Variants in PHLDB2 observed in about 807,000 individuals in gnomAD.
PHLDB2 encodes the protein pleckstrin homology-like domain family B member 2.
Under a neutral mutation model 123.6 loss-of-function variants are expected in PHLDB2, and 71 were observed. The observed-to-expected ratio is 0.57, with a 90% CI of 0.47 to 0.70. The LOEUF (loss-of-function observed/expected upper bound fraction) is 0.70, where lower values mean the gene tolerates loss of function less well. Ranked by LOEUF, PHLDB2 falls within the 30% of genes least tolerant of loss-of-function variation. The pLI is 0.00. For synonymous variants in PHLDB2, 547 were observed against 541.6 expected (o/e 1.01, Z -0.14); for missense variants, 1,446 against 1,519.5 (o/e 0.95, Z 0.80).
intron 9 of PHLDB2, among the ~76,000 whole-genome samples, chr3:111,948,384 C>T (rs2070460827): frequency 6.6e-6 from 1 of 152,152 alleles, no homozygotes; most frequent in Non-Finnish European, 1.5e-5. Context: ...AGCTAGAACC[C>T]ACTGTAAATA....
chr3:111,892,392 A>G (rs1240267150), intron 2 of PHLDB2, among the ~76,000 whole-genome samples: 1 of 152,180 alleles, frequency 6.6e-6, no homozygotes, highest in Non-Finnish European at 1.5e-5. Context: ...ACCACTATAG[A>G]TGCACCTCCT....
intron 1 of PHLDB2, among the ~76,000 whole-genome samples, chr3:111,789,142 G>A (rs1400807746): frequency 6.6e-6 from 1 of 152,170 alleles, no homozygotes; most frequent in Non-Finnish European, 1.5e-5. Flanking sequence ...GGAAAAAACA[G>A]TGCTCCCCAC....
At chr3:111,743,127 G>A (rs1198406591) in intron 1 of PHLDB2, among the ~76,000 whole-genome samples, 2 of 152,118 alleles carry the variant, frequency 1.3e-5, no homozygotes. Context: ...AAAAATCCAG[G>A]CTATGAAGAA....
chr3:111,845,145 G>A (rs1186394836), intron 1 of PHLDB2, among the ~76,000 whole-genome samples: 1 of 152,008 alleles, frequency 6.6e-6, no homozygotes, highest in Non-Finnish European at 1.5e-5. Context: ...ACAAGGTCAG[G>A]AGTTCGAGAC....
At chr3:111,876,246 C>T (rs907163568) in intron 1 of PHLDB2, among the ~76,000 whole-genome samples, 8 of 152,062 alleles carry the variant, frequency 5.3e-5, no homozygotes, top group Non-Finnish European at 7.3e-5. Flanking sequence ...ACAGAGGAGA[C>T]CAATGTTGAT....
At position 111,756,148 on chromosome 3, in the gene PHLDB2, G is replaced by A. The variant is rs933453731; in HGVS notation, c.-49+23445G>A. On this transcript the variant is annotated intron_variant, in intron 1 of 17. Coordinates refer to the PHLDB2 transcript ENST00000393923. Reference sequence around the variant, plus strand: ...ATATTCTGTTGATTTGGGGTGGAGAGTTCAGTAGATGTCTATTAGGTCCGC... The same window carrying A: ...ATATTCTGTTGATTTGGGGTGGAGAATTCAGTAGATGTCTATTAGGTCCGC... Among the ~76,000 whole-genome samples the A allele has an allele frequency of 2.8e-4, 42 of 152,180 alleles. 1 individual carries two copies. Among genetic ancestry groups the A allele is most frequent in the African/African-American group, 9.6e-4 (40 of 41,478 alleles).
intron 1 of PHLDB2, among the ~76,000 whole-genome samples, chr3:111,752,218 A>C (rs2059789313): frequency 1.3e-5 from 1 of 79,260 alleles, no homozygotes; most frequent in South Asian, 3.6e-4. Flanking sequence ...GGAAGTTTCT[A>C]AGTGTGTGTG....
chr3:111,780,412 A>AGAAG (rs2060419890), intron 1 of PHLDB2, among the ~76,000 whole-genome samples: 3 of 116,778 alleles, frequency 2.6e-5, no homozygotes, highest in South Asian at 2.7e-4. Flanking sequence ...AGAAGAAGAA[A>AGAAG]AAGATTAGTT....
rs918601588 is a variant in PHLDB2 at position 111,969,822 on chromosome 3, C to T, written c.3448C>T (p.Leu1150Phe). Residue 1150 changes from leucine (L) to phenylalanine (F), a missense_variant, in exon 16 of 18, where the codon CTC (leucine) becomes TTC (phenylalanine). Coordinates refer to ENST00000431670, the MANE Select transcript of PHLDB2 (RefSeq NM_001134438.2). ...SITEKTCRGF[L>F]IKMGGKIKTW... ...CACAGAGAAGACCTGCCGAGGATTC[C>T]TCATCAAAATGGGTGGGAAAATTAA... The T allele has an allele frequency of 3.1e-6, 5 of 1,614,030 alleles. No individual in the cohort carries two copies. Among genetic ancestry groups the T allele is most frequent in the Non-Finnish European group, 4.2e-6 (5 of 1,179,944 alleles).
Position 111,866,014 on chromosome 3 carries a change from A to ATTTTTTTTTTTTTTTTTTTTTT in PHLDB2, c.-15+6441_-15+6462dup, listed in dbSNP as rs61038523. Among the ~76,000 whole-genome samples, 94 of 57,406 alleles carry ATTTTTTTTTTTTTTTTTTTTTT rather than the reference A, an allele frequency of 1.6e-3. 11 individuals carry two copies. Among genetic ancestry groups the ATTTTTTTTTTTTTTTTTTTTTT allele is most frequent in the East Asian group, 3.4e-3 (4 of 1,166 alleles). The allele number at this position is 57,406 out of a possible 152,430, so 37.7% of individuals were successfully genotyped here. On this transcript the variant is annotated intron_variant, in intron 1 of 17. Transcript: ENST00000431670. ...TTTTAGAAACCTACCCCACCCACTC[A>ATTTTTTTTTTTTTTTTTTTTTT]TTTTTTTTTTTTTTTTTTTTTTTTG...
At chr3:111,956,147 T>C (rs934261676) in intron 12 of PHLDB2, among the ~76,000 whole-genome samples, 3 of 152,172 alleles carry the variant, frequency 2.0e-5, no homozygotes, top group Admixed American at 6.5e-5. Flanking sequence ...TGAGCTGCCA[T>C]CATGCCACTA....
intron 12 of PHLDB2, chr3:111,958,808 GT>G (rs1468762198): frequency 2.3e-6 from 1 of 438,098 alleles, no homozygotes; most frequent in East Asian, 7.0e-5. Context: ...AGTCTCAGGG[GT>G]TGGGAAAGTC....
rs190373537 is a variant in PHLDB2, at chr3:111,898,174, G to A, written c.1335+12762G>A. On this transcript the variant is annotated intron_variant, in intron 2 of 17. Coordinates refer to ENST00000431670, the MANE Select transcript of PHLDB2 (RefSeq NM_001134438.2). ...TGTGGCAATTTCTTTGTGTGTGTGT[G>A]TGTGTGTTTGTGTGTGTGTGTGTGT... is the stretch of plus-strand genomic sequence containing the variant. 8.7e-4 allele frequency among the ~76,000 whole-genome samples: 97 copies of A among 112,122 alleles called. 1 individual carries two copies. The East Asian group carries it at 0.028, about 32-fold the overall frequency. 73.6% of individuals were successfully genotyped at this position (112,122 alleles called of 152,430 possible). A position where few individuals can be genotyped will look rare whatever the true frequency, so the allele number is the denominator to read the frequency against.
chr3:111,949,835 C>G, intron 10 of PHLDB2: 1 of 985,920 alleles, frequency 1.0e-6, no homozygotes, highest in Non-Finnish European at 1.2e-6. Flanking sequence ...AATGACACAC[C>G]TCCTCCTTTA....
At chr3:111,834,214 A>T (rs1244628470) in intron 1 of PHLDB2, among the ~76,000 whole-genome samples, 1 of 38,120 alleles carries the variant, frequency 2.6e-5, no homozygotes, top group African/African-American at 1.1e-4. Flanking sequence ...TATATGTAAT[A>T]GAATTATATA....
At chr3:111,902,664 G>C (rs2067263233) in intron 2 of PHLDB2, among the ~76,000 whole-genome samples, 1 of 151,906 alleles carries the variant, frequency 6.6e-6, no homozygotes, top group African/African-American at 2.4e-5. Context: ...TTGAGGCGGG[G>C]GTCTCCCTCT....
chr3:111,883,577 A>T (rs541024193), intron 1 of PHLDB2, among the ~76,000 whole-genome samples: 92 of 152,326 alleles, frequency 6.0e-4, no homozygotes, highest in African/African-American at 2.2e-3. Flanking sequence ...GTTATTGATC[A>T]GTGTCTAACG....
chr3:111,954,252 G>A (rs1272119751), intron 12 of PHLDB2, among the ~76,000 whole-genome samples: 1 of 152,078 alleles, frequency 6.6e-6, no homozygotes, highest in Non-Finnish European at 1.5e-5. Flanking sequence ...AGATTTGATA[G>A]AACTCTGAAA....
chr3:111,783,047 T>C (rs1307911962), intron 1 of PHLDB2, among the ~76,000 whole-genome samples: 1 of 152,070 alleles, frequency 6.6e-6, no homozygotes, highest in Non-Finnish European at 1.5e-5. Context: ...CCAGCTGCTA[T>C]TCCAGGACAG....
Sources: gnomAD v4.1 joint callset for allele counts (sites outside exome capture counted in the v4.1 genomes callset) on GRCh38, gnomAD v4.1.1 for gene constraint, MANE v1.5 for transcripts, NCBI Gene and HGNC (gene_info 2026-07-23, HGNC 2026-07-21) for gene names.